Variants in HIRA observed in about 807,000 individuals in gnomAD.
HIRA encodes histone cell cycle regulator.
A neutral mutation model predicts 126.6 loss-of-function variants in HIRA; 13 were observed. The ratio of observed to expected loss-of-function variants is 0.10; its 90% confidence interval spans 0.07 to 0.16. The LOEUF (loss-of-function observed/expected upper bound fraction) is 0.16. Ranked by LOEUF, HIRA falls within the 10% of genes least tolerant of loss-of-function variation. HIRA has a pLI of 1.00. For missense variants in HIRA, 834 were observed against 1,314.4 expected, an observed-to-expected ratio of 0.63 and a Z score of 5.65; for synonymous variants, 511 against 520.0, an observed-to-expected ratio of 0.98 and a Z score of 0.24.
intron 8 of HIRA, 59 bp from the exon 9 acceptor site, chr22:19,392,273 G>T: frequency 9.5e-7 from 1 of 1,051,376 alleles, no homozygotes; most frequent in Non-Finnish European, 1.4e-6. Flanking sequence ...TGTCCCCTGT[G>T]CCCAAGTCCC....
chr22:19,429,003 T>C (rs2089509422), intron 1 of HIRA, among the ~76,000 whole-genome samples: 1 of 152,048 alleles, frequency 6.6e-6, no homozygotes, highest in Non-Finnish European at 1.5e-5. Context: ...CAGCATCATC[T>C]CCTCCAGGGC....
chr22:19,376,819 C>A (rs2092342024), intron 14 of HIRA, among the ~76,000 whole-genome samples: 1 of 152,128 alleles, frequency 6.6e-6, no homozygotes, highest in Non-Finnish European at 1.5e-5. Flanking sequence ...ATCCCAGAAG[C>A]AGGGGGCTGC....
chr22:19,386,543 G>A (rs1170043666), intron 11 of HIRA, among the ~76,000 whole-genome samples: 1 of 152,256 alleles, frequency 6.6e-6, no homozygotes, highest in Non-Finnish European at 1.5e-5. Context: ...CTTGGGACCT[G>A]CTCCTGCAGG....
chr22:19,341,377 A>G (rs1290141989), intron 24 of HIRA, among the ~76,000 whole-genome samples: 1 of 147,270 alleles, frequency 6.8e-6, no homozygotes, highest in African/African-American at 2.5e-5. Context: ...TGAGCCTTGG[A>G]GGCAGAGTTT....
chr22:19,427,394 T>C lies in HIRA; in HGVS notation c.37+4046A>G, dbSNP rs568459184. Among the ~76,000 whole-genome samples the C allele has an allele frequency of 3.7e-4, 57 of 152,368 alleles. 1 individual carries two copies. Among genetic ancestry groups the C allele is most frequent in the Non-Finnish European group, 4.3e-4 (29 of 68,038 alleles). ...GTGCCCTCCGGCAGCAGGCTGGACC[T>C]TACCCACCCACTCCTAACTTTATCA... On this transcript the variant is annotated intron_variant, in intron 1 of 24. Transcript: ENST00000263208.
chr22:19,357,130 TCCCTCTGCCTGGGCCCAACAAGGGCCTC>T (rs2088820606), intron 18 of HIRA, 79 bp from the exon 19 acceptor site: 1 of 1,527,936 alleles, frequency 6.5e-7, no homozygotes, highest in Non-Finnish European at 9.0e-7. Flanking sequence ...GTGTGGGCCT[TCCCTCTGCCTGGGCCCAACAAGGGCCTC>T]CCCTGAGCAG....
intron 1 of HIRA, among the ~76,000 whole-genome samples, chr22:19,417,698 T>C (rs1479090760): frequency 6.6e-6 from 1 of 152,124 alleles, no homozygotes; most frequent in Non-Finnish European, 1.5e-5. Context: ...TGTACAGAAA[T>C]TGTAACTCTT....
Position 19,387,111 on chromosome 22 carries a change from C to A in HIRA, c.1113+600G>T, listed in dbSNP as rs893670448. 2.0e-5 allele frequency among the ~76,000 whole-genome samples: 3 copies of A among 152,154 alleles called. No homozygotes were observed. In the East Asian group the frequency reaches 5.8e-4, roughly 29 times the overall value. ...AAAGCCTGGCAGAAGGGCAGAGAGA[C>A]CCCATCACCCCAGCAGAGCACAGAG... On this transcript the variant is annotated intron_variant, in intron 11 of 24. Transcript: ENST00000263208.
At chr22:19,416,655 T>C (rs1245161407) in intron 1 of HIRA, among the ~76,000 whole-genome samples, 1 of 152,158 alleles carries the variant, frequency 6.6e-6, no homozygotes, top group Non-Finnish European at 1.5e-5. Flanking sequence ...TTGGCAATAA[T>C]TTCTTAGATA....
At chr22:19,341,925 T>C (rs1556007638) in intron 24 of HIRA, among the ~76,000 whole-genome samples, 2 of 152,066 alleles carry the variant, frequency 1.3e-5, no homozygotes, top group African/African-American at 2.4e-5. Flanking sequence ...CAAAAGCAAA[T>C]GCAACAAAAA....
Position 19,431,639 on chromosome 22 carries a change from T to G in HIRA, c.-163A>C. ...GCGCCATCGCCGGCCCGCGCCCCCC[T>G]CCGCCGCCACAGCCGCCACCCGCGC... On this transcript the variant is annotated 5_prime_UTR_variant, in exon 1 of 25. Coordinates refer to ENST00000263208, the MANE Select transcript of HIRA (RefSeq NM_003325.4). The G allele has an allele frequency of 1.5e-6, 1 of 650,068 alleles. No individual in the cohort carries two copies. The highest frequency in any genetic ancestry group is 2.0e-6 in the Non-Finnish European group (1 of 504,598). The allele number at this position is 650,068 out of a possible 1,614,324, so 40.3% of individuals were successfully genotyped here. A position where few individuals can be genotyped will look rare whatever the true frequency, so the allele number is the denominator to read the frequency against.
intron 14 of HIRA, among the ~76,000 whole-genome samples, chr22:19,376,427 T>C (rs984936316): frequency 1.3e-5 from 2 of 152,130 alleles, no homozygotes; most frequent in Non-Finnish European, 2.9e-5. Flanking sequence ...CCATGGCCAC[T>C]GGACCTCCTC....
At chr22:19,336,126 T>C (rs184427241) in intron 24 of HIRA, among the ~76,000 whole-genome samples, 53 of 152,304 alleles carry the variant, frequency 3.5e-4, no homozygotes, top group Admixed American at 1.3e-3. Context: ...ATTTGAAGTT[T>C]GTGAAGAACT....
Position 19,359,370 on chromosome 22 carries a change from G to A in HIRA, c.2200C>T (p.Leu734Phe). 1 of 1,607,866 alleles carries A rather than the reference G, an allele frequency of 6.2e-7. No individual in the cohort carries two copies. The highest frequency in any genetic ancestry group is 8.5e-7 in the Non-Finnish European group (1 of 1,177,388). Residue 734 changes from leucine (L) to phenylalanine (F), a missense_variant, in exon 18 of 25, where the codon CTC becomes TTC. Leu to Phe is a conservative substitution (Grantham distance 22). This residue lies in a region of HIRA where 468 missense variants were observed against 574.2 expected (regional missense o/e 0.82). Coordinates refer to ENST00000263208, the MANE Select transcript of HIRA (RefSeq NM_003325.4). ...GCAGCAGTGAGGATCCGGCTGGTGA[G>A]TACCGTCTCCCACTCCTTCCCTTCC... The part of the protein sequence containing the change: ...NREGKEWETV[L>F]TSRILTAAGS...
chr22:19,386,338 A>C (rs17208994), intron 11 of HIRA, among the ~76,000 whole-genome samples: 5,803 of 152,238 alleles, frequency 0.038, 247 homozygotes, highest in South Asian at 0.17. Flanking sequence ...GCTAGACAGG[A>C]GCCTCATGAG....
chr22:19,351,360 C>T lies in HIRA; in HGVS notation c.2935G>A (p.Val979Met), dbSNP rs2088755491. Residue 979 changes from valine to methionine, a missense_variant and splice_region_variant, in exon 24 of 25, where the codon GTG becomes ATG. Transcript: ENST00000263208. This position sits in a 1 kb window ranked among gnomAD's most constrained non-coding sequence, Gnocchi z 4.8. ...GCAACAATGAAAGAAGCACCTACCA[C>T]TACTGTTGACTCCCACTGGCTTCCA... ...STGSQWESTV[V>M]GLRKRELLKE... 3.1e-6 allele frequency: 5 copies of T among 1,610,210 alleles called. No individual in the cohort carries two copies. The highest frequency in any genetic ancestry group is 4.2e-6 in the Non-Finnish European group (5 of 1,178,610).
At chr22:19,339,868 A>G (rs1325043516) in intron 24 of HIRA, among the ~76,000 whole-genome samples, 1 of 152,200 alleles carries the variant, frequency 6.6e-6, no homozygotes, top group Non-Finnish European at 1.5e-5. Context: ...GCAAGACTGA[A>G]ACAGTAATTT....
At position 19,431,706 on chromosome 22, in the gene HIRA, G is replaced by T. The variant is rs2089541699; in HGVS notation, c.-230C>A. 5.5e-6 allele frequency: 2 copies of T among 361,966 alleles called. No homozygotes were observed. Among genetic ancestry groups the T allele is most frequent in the Non-Finnish European group, 9.3e-6 (2 of 215,754 alleles). 22.4% of individuals were successfully genotyped at this position (361,966 alleles called of 1,614,324 possible). A position where few individuals can be genotyped will look rare whatever the true frequency, so the allele number is the denominator to read the frequency against. ...CCACCACAGCCGCATCCCCTGCGCC[G>T]CTCCTCCTCAGGCGGCTCCCGGGCA... On this transcript the variant is annotated 5_prime_UTR_variant, in exon 1 of 25. Transcript: ENST00000263208.
At chr22:19,333,529 T>C (rs5992395) in intron 24 of HIRA, among the ~76,000 whole-genome samples, 54,352 of 152,092 alleles carry the variant, frequency 0.36, 11,810 homozygotes, top group Non-Finnish European at 0.48. Flanking sequence ...TTGTCTTTCC[T>C]TTCCCACAGT....
Sources: allele counts gnomAD v4.1 joint callset (sites outside exome capture counted in the v4.1 genomes callset), GRCh38; gene constraint gnomAD v4.1.1; regional missense constraint gnomAD v4.1.1; non-coding constraint Gnocchi (gnomAD v3.1); transcripts MANE v1.5; gene names NCBI Gene and HGNC (gene_info 2026-07-23, HGNC 2026-07-21).